SMARCD3: variants seen among roughly 807,000 people sequenced by gnomAD.
The protein encoded by SMARCD3 is SWI/SNF related BAF chromatin remodeling complex subunit D3.
SMARCD3 carries 14 observed loss-of-function variants against 58.0 expected under a neutral mutation model. That is an observed-to-expected ratio of 0.24 (90% confidence interval 0.16 to 0.38). The LOEUF (loss-of-function observed/expected upper bound fraction) is 0.38. Ranked by LOEUF, SMARCD3 falls within the 10% of genes least tolerant of loss-of-function variation. SMARCD3 has a pLI of 1.00. For synonymous variants in SMARCD3, 253 were observed against 253.8 expected (o/e 1.00, Z 0.03); for missense variants, 408 against 636.9 (o/e 0.64, Z 3.87).
At chr7:151,254,908 A>C (rs1025342354) in intron 2 of SMARCD3, among the ~76,000 whole-genome samples, 1 of 152,246 alleles carries the variant, frequency 6.6e-6, no homozygotes, top group African/African-American at 2.4e-5. Context: ...GTTAACAAAA[A>C]GTCCATCTGC....
At position 151,242,405 on chromosome 7, in the gene SMARCD3, G is replaced by A; in HGVS notation, c.579+76C>T. On this transcript the variant is annotated intron_variant, in intron 5 of 12. Transcript: ENST00000262188. This position sits in a 1 kb window ranked among gnomAD's most constrained non-coding sequence, Gnocchi z 4.7. ...CTGGGCTGACTCCCTAGCCCTTAGTGCAGACACCTTGTTCTGTTCTCAGTG... is the reference window on the plus strand; with the variant it reads ...CTGGGCTGACTCCCTAGCCCTTAGTACAGACACCTTGTTCTGTTCTCAGTG... 1 of 1,581,450 alleles carries A rather than the reference G, an allele frequency of 6.3e-7. No individual in the cohort carries two copies. The highest frequency in any genetic ancestry group is 8.6e-7 in the Non-Finnish European group (1 of 1,157,466).
upstream of SMARCD3, among the ~76,000 whole-genome samples, chr7:151,252,312 C>T (rs142607695): frequency 5.3e-4 from 80 of 152,156 alleles, no homozygotes; most frequent in African/African-American, 1.8e-3. Flanking sequence ...GGAGGGAGAA[C>T]GGATTGCTTG....
chr7:151,238,909 C>A lies in SMARCD3; in HGVS notation c.*194G>T, dbSNP rs1802801825. 2 of 1,104,506 alleles carry A rather than the reference C, an allele frequency of 1.8e-6. No homozygotes were observed. The highest frequency in any genetic ancestry group is 2.1e-5 in the Admixed American group (1 of 47,834). The allele number at this position is 1,104,506 out of a possible 1,614,324, so 68.4% of individuals were successfully genotyped here. A position where few individuals can be genotyped will look rare whatever the true frequency, so the allele number is the denominator to read the frequency against. ...TCGTCCCGAGGGACCCACTGCCTCC[C>A]CACCTTCTTCCCTTCCCCTTCTCTC... is the stretch of plus-strand genomic sequence containing the variant. On this transcript the variant is annotated 3_prime_UTR_variant, in exon 13 of 13. Transcript: ENST00000262188.
At position 151,241,389 on chromosome 7, in the gene SMARCD3, A is replaced by G; in HGVS notation, c.939+103T>C. The G allele has an allele frequency of 1.0e-6, 1 of 979,430 alleles. No homozygotes were observed. The highest frequency in any genetic ancestry group is 1.6e-6 in the Non-Finnish European group (1 of 627,842). The allele number at this position is 979,430 out of a possible 1,614,324, so 60.7% of individuals were successfully genotyped here. A position where few individuals can be genotyped will look rare whatever the true frequency, so the allele number is the denominator to read the frequency against. ...TGACTGTGTACTGCTTCTGCTACTC[A>G]GGAATCTAGAAGGGAGGGGTGGTAG... On this transcript the variant is annotated intron_variant, in intron 8 of 12. Transcript: ENST00000262188. This position sits in a 1 kb window ranked among gnomAD's most constrained non-coding sequence, Gnocchi z 5.3.
intron 2 of SMARCD3, among the ~76,000 whole-genome samples, chr7:151,257,557 C>T (rs1803740762): frequency 6.6e-6 from 1 of 152,096 alleles, no homozygotes; most frequent in Non-Finnish European, 1.5e-5. Flanking sequence ...GAACTCCTGA[C>T]CTTGTGATCC....
chr7:151,271,725 A>AG, intron 2 of SMARCD3, among the ~76,000 whole-genome samples: 1 of 152,180 alleles, frequency 6.6e-6, no homozygotes, highest in East Asian at 1.9e-4. Flanking sequence ...CTGAAGTGGG[A>AG]GGATTGCTTG....
In SMARCD3 at chr7:151,245,673, T is replaced by C; in HGVS notation, c.79-2A>G. On this transcript the variant is annotated splice_acceptor_variant, in intron 1 of 12. Transcript: ENST00000262188. LOFTEE classifies it high-confidence loss of function. The surrounding 1 kb of genome is among the most constrained non-coding windows in gnomAD (Gnocchi z 6.2). ...GGCTCCAGACGGCATCCCGGGGCGC[T>C]GGGGGTGGGCGGGGGTGAAGCAGAA... 1.2e-5 allele frequency: 6 copies of C among 508,800 alleles called. No homozygotes were observed. The highest frequency in any genetic ancestry group is 2.1e-5 in the African/African-American group (1 of 46,880). 31.5% of individuals were successfully genotyped at this position (508,800 alleles called of 1,614,324 possible).
At position 151,242,717 on chromosome 7, in the gene SMARCD3, G is replaced by C. The variant is rs547891214; in HGVS notation, c.456+4C>G. The C allele has an allele frequency of 6.2e-7, 1 of 1,613,872 alleles. No individual in the cohort carries two copies. Among genetic ancestry groups the C allele is most frequent in the Non-Finnish European group, 8.5e-7 (1 of 1,179,976 alleles). On this transcript the variant is annotated splice_donor_region_variant and intron_variant, in intron 4 of 12. Coordinates refer to ENST00000262188, the MANE Select transcript of SMARCD3 (RefSeq NM_001003801.2). The surrounding 1 kb of genome is among the most constrained non-coding windows in gnomAD (Gnocchi z 4.7). ...GTCCCCTTCCTACCCCCGAACTAAG[G>C]CACCTTCATGGGCCTCTTCAGAGCC...
At position 151,245,725 on chromosome 7, in the gene SMARCD3, C is replaced by G. The variant is rs1000400016; in HGVS notation, c.79-54G>C. 3 of 436,736 alleles carry G rather than the reference C, an allele frequency of 6.9e-6. No individual in the cohort carries two copies. Among genetic ancestry groups the G allele is most frequent in the Admixed American group, 4.5e-5 (1 of 22,386 alleles). 27.1% of individuals were successfully genotyped at this position (436,736 alleles called of 1,614,324 possible). On this transcript the variant is annotated intron_variant, in intron 1 of 12. Coordinates refer to ENST00000262188, the MANE Select transcript of SMARCD3 (RefSeq NM_001003801.2). This position sits in a 1 kb window ranked among gnomAD's most constrained non-coding sequence, Gnocchi z 6.2. ...CGGGCGCCCGTGGGTCAGACCAGGG[C>G]CCCCCGCTCCAGGCGCGGTGAGCCG...
intron 2 of SMARCD3, among the ~76,000 whole-genome samples, chr7:151,274,297 A>T (rs1795269963): frequency 6.6e-6 from 1 of 152,156 alleles, no homozygotes; most frequent in African/African-American, 2.4e-5. Flanking sequence ...CTCAGACCAG[A>T]CTTCAGTTCC....
intron 2 of SMARCD3, among the ~76,000 whole-genome samples, chr7:151,259,626 T>TTTTTA (rs1803850533): frequency 6.9e-6 from 1 of 144,420 alleles, no homozygotes; most frequent in African/African-American, 2.6e-5. Flanking sequence ...TTTTTTTTTT[T>TTTTTA]GAGACGGACT....
chr7:151,248,738 ACGCCGCCGCCGCCCGCCCGCCGCCGC>A (rs1234925073), upstream of SMARCD3: 19 of 1,169,826 alleles, frequency 1.6e-5, no homozygotes, highest in Admixed American at 2.4e-4. This position sits in a 1 kb window ranked among gnomAD's most constrained non-coding sequence, Gnocchi z 6.1. Context: ...CCCACGGCCC[ACGCCGCCGCCGCCCGCCCGCCGCCGC>A]CGCCGCCGCC....
chr7:151,242,948 G>C lies in SMARCD3; in HGVS notation c.334-105C>G, dbSNP rs1803074138. 7.1e-7 allele frequency: 1 copy of C among 1,404,582 alleles called. No individual in the cohort carries two copies. Among genetic ancestry groups the C allele is most frequent in the South Asian group, 1.3e-5 (1 of 74,526 alleles). 87.0% of individuals were successfully genotyped at this position (1,404,582 alleles called of 1,614,324 possible). Reference sequence around the variant, plus strand: ...CTAGGGTACAAAAGATGTCAGGGGAGCCATCCTACTTTTGGGCATGTAGCT... The same window carrying C: ...CTAGGGTACAAAAGATGTCAGGGGACCCATCCTACTTTTGGGCATGTAGCT... On this transcript the variant is annotated intron_variant, in intron 3 of 12. Transcript: ENST00000262188. The surrounding 1 kb of genome is among the most constrained non-coding windows in gnomAD (Gnocchi z 4.7).
intron 2 of SMARCD3, among the ~76,000 whole-genome samples, chr7:151,267,956 G>A (rs980372066): frequency 1.3e-5 from 2 of 152,216 alleles, no homozygotes; most frequent in South Asian, 2.1e-4. Flanking sequence ...CAGCCTAGGC[G>A]ACAGAGCTGA....
At chr7:151,266,683 G>A (rs753097966) in intron 2 of SMARCD3, among the ~76,000 whole-genome samples, 37 of 152,172 alleles carry the variant, frequency 2.4e-4, no homozygotes, top group Admixed American at 2.0e-4. Flanking sequence ...TCATGTCAGC[G>A]GCTTAACATC....
rs1423962829 is a variant in SMARCD3 at position 151,239,359 on chromosome 7, A to G, written c.1398+37T>C. ...AACAGGGAGGTTTCTCTTGGAGTTG[A>G]GGATGGGGAAGCCTCAGGGCAAGGG... On this transcript the variant is annotated intron_variant, in intron 12 of 12. Transcript: ENST00000262188. The surrounding 1 kb of genome is among the most constrained non-coding windows in gnomAD (Gnocchi z 7.0). 2.6e-6 allele frequency: 4 copies of G among 1,533,618 alleles called. No homozygotes were observed. The highest frequency in any genetic ancestry group is 2.7e-6 in the Non-Finnish European group (3 of 1,107,582).
chr7:151,238,947 C>G lies in SMARCD3; in HGVS notation c.*156G>C. 1 of 1,069,414 alleles carries G rather than the reference C, an allele frequency of 9.4e-7. No individual in the cohort carries two copies. Among genetic ancestry groups the G allele is most frequent in the Non-Finnish European group, 1.4e-6 (1 of 712,620 alleles). 66.2% of individuals were successfully genotyped at this position (1,069,414 alleles called of 1,614,324 possible). ...TTCCCCTTCTCTCCCCCTCCCCTCC[C>G]CAGTTTCCAATGACCACACGGCTGC... On this transcript the variant is annotated 3_prime_UTR_variant, in exon 13 of 13. Coordinates refer to ENST00000262188, the MANE Select transcript of SMARCD3 (RefSeq NM_001003801.2).
In SMARCD3 at chr7:151,242,053, C is replaced by G. The variant is rs980574190; in HGVS notation, c.676-75G>C. 14 of 1,546,756 alleles carry G rather than the reference C, an allele frequency of 9.1e-6. No homozygotes were observed. The highest frequency in any genetic ancestry group is 3.4e-5 in the Admixed American group (2 of 59,654). ...GGGGCCCAGGACTCTAGGGTGGTCC[C>G]TGACCCAAATCTGTGCTGGTTCTTC... is the stretch of plus-strand genomic sequence containing the variant. On this transcript the variant is annotated intron_variant, in intron 6 of 12. Transcript: ENST00000262188. This position sits in a 1 kb window ranked among gnomAD's most constrained non-coding sequence, Gnocchi z 4.7.
intron 2 of SMARCD3, among the ~76,000 whole-genome samples, chr7:151,244,504 G>A (rs1200369851): frequency 6.6e-6 from 1 of 152,120 alleles, no homozygotes; most frequent in African/African-American, 2.4e-5. Flanking sequence ...GTGTTCTCAA[G>A]CACTGCCCCC....
Sources: allele counts gnomAD v4.1 joint callset (sites outside exome capture counted in the v4.1 genomes callset), GRCh38; gene constraint gnomAD v4.1.1; non-coding constraint Gnocchi (gnomAD v3.1); transcripts MANE v1.5; gene names NCBI Gene and HGNC (gene_info 2026-07-23, HGNC 2026-07-21).